TRAPPC3: variants seen among roughly 807,000 people sequenced by gnomAD.
TRAPPC3 encodes the protein trafficking protein particle complex 3.
In TRAPPC3, 5 loss-of-function variants were observed where a neutral mutation model predicts 18.2. The ratio of observed to expected loss-of-function variants is 0.28; its 90% CI spans 0.14 to 0.58. The LOEUF (loss-of-function observed/expected upper bound fraction) is 0.58. Ranked by LOEUF, TRAPPC3 falls within the 20% of genes least tolerant of loss-of-function variation. The pLI is 0.91. For missense variants in TRAPPC3, 176 were observed against 225.9 expected (o/e 0.78, Z 1.41); for synonymous variants, 65 against 84.2 (o/e 0.77, Z 1.25).
chr1:36,148,701 G>T (rs1439267180), intron 1 of TRAPPC3, among the ~76,000 whole-genome samples: 3 of 152,168 alleles, frequency 2.0e-5, no homozygotes, highest in African/African-American at 4.8e-5. Context: ...CCCTGGGAAA[G>T]AAGGGAGCCA....
At chr1:36,137,763 C>T (rs200458291) in intron 4 of TRAPPC3, 33 bp downstream of exon 4, 122 of 1,596,776 alleles carry the variant, frequency 7.6e-5, no homozygotes, top group African/African-American at 1.2e-4. Flanking sequence ...TATTGCATTT[C>T]GGGTGTCCCA....
chr1:36,149,775 C>CTCAGAGAT (rs1644254809), upstream of TRAPPC3, among the ~76,000 whole-genome samples: 1 of 152,170 alleles, frequency 6.6e-6, no homozygotes. Context: ...CCGCGCCCGG[C>CTCAGAGAT]TCAGAGATGA....
chr1:36,141,977 A>T (rs1644115910), intron 1 of TRAPPC3, among the ~76,000 whole-genome samples: 1 of 150,162 alleles, frequency 6.7e-6, no homozygotes, highest in African/African-American at 2.5e-5. Flanking sequence ...AAAAAAAAAA[A>T]AAAAAAGAAC....
chr1:36,145,344 A>C (rs1289418159), intron 1 of TRAPPC3, among the ~76,000 whole-genome samples: 1 of 152,122 alleles, frequency 6.6e-6, no homozygotes, highest in African/African-American at 2.4e-5. Flanking sequence ...GCTGATCTTT[A>C]GAGCCAATGC....
intron 1 of TRAPPC3, 96 bp from the exon 2 acceptor site, chr1:36,140,262 C>A: frequency 1.4e-6 from 1 of 737,916 alleles, no homozygotes; most frequent in South Asian, 2.7e-5. Context: ...TCAGGATTCC[C>A]TCTAACTGTG....
chr1:36,143,548 T>C (rs959422608), intron 1 of TRAPPC3, among the ~76,000 whole-genome samples: 1 of 152,182 alleles, frequency 6.6e-6, no homozygotes, highest in Admixed American at 6.5e-5. Context: ...AAAGTTCTCA[T>C]GGGATCATAA....
At position 36,137,082 on chromosome 1, in the gene TRAPPC3, G is replaced by C; in HGVS notation, c.*121C>G. The C allele has an allele frequency of 3.4e-6, 4 of 1,191,168 alleles. No individual in the cohort carries two copies. Among genetic ancestry groups the C allele is most frequent in the Non-Finnish European group, 4.8e-6 (4 of 841,422 alleles). 73.8% of individuals were successfully genotyped at this position (1,191,168 alleles called of 1,614,324 possible). A position where few individuals can be genotyped will look rare whatever the true frequency, so the allele number is the denominator to read the frequency against. ...TTTATTTGAATGGAGAATGGAAACA[G>C]GTTATAAGAATATATAACATCCATG... On this transcript the variant is annotated 3_prime_UTR_variant, in exon 5 of 5. Transcript: ENST00000373166.
At position 36,149,324 on chromosome 1, in the gene TRAPPC3, C is replaced by G; in HGVS notation, c.42+13G>C. 1 of 1,613,816 alleles carries G rather than the reference C, an allele frequency of 6.2e-7. No homozygotes were observed. On this transcript the variant is annotated intron_variant, in intron 1 of 4. Transcript: ENST00000373166. ...TTTCGCCCCGCCCGCCGAGGTCACGCGCTCCAAGTTACCATTTTCTTGCTC... is the reference window on the plus strand; with the variant it reads ...TTTCGCCCCGCCCGCCGAGGTCACGGGCTCCAAGTTACCATTTTCTTGCTC...
intron 1 of TRAPPC3, 151 bp from the exon 2 acceptor site, chr1:36,140,317 T>C: frequency 3.8e-6 from 2 of 525,208 alleles, no homozygotes; most frequent in Non-Finnish European, 6.4e-6. Context: ...GCCAGGAAAT[T>C]TGGCCTGCAA....
At chr1:36,141,826 C>T (rs192875334) in intron 1 of TRAPPC3, among the ~76,000 whole-genome samples, 154 of 151,904 alleles carry the variant, frequency 1.0e-3, no homozygotes, top group Non-Finnish European at 1.4e-3. Flanking sequence ...GGTGTGGTGG[C>T]GCGTGCCTGT....
In TRAPPC3 at chr1:36,137,046, G is replaced by T. The variant is rs778389344; in HGVS notation, c.*157C>A. 4.7e-6 allele frequency: 4 copies of T among 842,368 alleles called. No homozygotes were observed. Among genetic ancestry groups the T allele is most frequent in the South Asian group, 3.8e-5 (2 of 52,502 alleles). 52.2% of individuals were successfully genotyped at this position (842,368 alleles called of 1,614,324 possible). A position where few individuals can be genotyped will look rare whatever the true frequency, so the allele number is the denominator to read the frequency against. On this transcript the variant is annotated 3_prime_UTR_variant, in exon 5 of 5. Transcript: ENST00000373166. Reference sequence around the variant, plus strand: ...ACACATGGGGTAAATGGACTATATCGCAGTCTGCTCTTTATTTGAATGGAG... The same window carrying T: ...ACACATGGGGTAAATGGACTATATCTCAGTCTGCTCTTTATTTGAATGGAG...
intron 1 of TRAPPC3, among the ~76,000 whole-genome samples, chr1:36,154,957 G>A (rs965693801): frequency 3.3e-5 from 5 of 152,082 alleles, no homozygotes; most frequent in Non-Finnish European, 5.9e-5. Flanking sequence ...ACACATCCCA[G>A]GACAGGCTGC....
At position 36,137,221 on chromosome 1, in the gene TRAPPC3, A is replaced by G. The variant is rs1644037806; in HGVS notation, c.525T>C (p.Leu175=). The change falls in exon 5 of 5, where the codon CTT becomes CTC. Residue 175 remains leucine (L), a synonymous_variant. Coordinates refer to ENST00000373166, the MANE Select transcript of TRAPPC3 (RefSeq NM_014408.5). ...MRFIRRIEDN[L]PAGEE ...GGGATGGTTATTCCTCTCCAGCTGG[A>G]AGATTGTCCTCAATCCGCCTGATGA... 2.5e-6 allele frequency: 4 copies of G among 1,610,498 alleles called. No homozygotes were observed. The highest frequency in any genetic ancestry group is 1.7e-6 in the Non-Finnish European group (2 of 1,176,918).
Position 36,137,983 on chromosome 1 carries a change from C to A in TRAPPC3, c.241-5G>T, listed in dbSNP as rs776638104. The A allele has an allele frequency of 3.7e-5, 59 of 1,613,224 alleles. No homozygotes were observed. The highest frequency in any genetic ancestry group is 3.3e-4 in the Middle Eastern group (2 of 6,080). On this transcript the variant is annotated splice_region_variant and splice_polypyrimidine_tract_variant and intron_variant, in intron 3 of 4. Transcript: ENST00000373166. ...CAAGTACATCTTGAACGCCACCTGT[C>A]AGGGGACACACAACAGCACTTTGGG... is the stretch of plus-strand genomic sequence containing the variant.
chr1:36,138,799 G>A (rs921306886), intron 3 of TRAPPC3, among the ~76,000 whole-genome samples: 3 of 152,064 alleles, frequency 2.0e-5, no homozygotes, highest in Admixed American at 6.5e-5. Context: ...GGGAGGCCGA[G>A]GTGGGCAGAT....
chr1:36,151,737 A>G (rs1644272889), upstream of TRAPPC3, among the ~76,000 whole-genome samples: 1 of 152,210 alleles, frequency 6.6e-6, no homozygotes, highest in Non-Finnish European at 1.5e-5. Context: ...TAGGAACACC[A>G]GATGTCCCCT....
At chr1:36,147,247 TG>T (rs1386997032) in intron 1 of TRAPPC3, among the ~76,000 whole-genome samples, 1 of 151,556 alleles carries the variant, frequency 6.6e-6, no homozygotes, top group Non-Finnish European at 1.5e-5. Context: ...CTTTTGAACC[TG>T]GGAGGTGGAG....
At chr1:36,147,957 C>T (rs1644225592) in intron 1 of TRAPPC3, among the ~76,000 whole-genome samples, 2 of 152,146 alleles carry the variant, frequency 1.3e-5, no homozygotes, top group Non-Finnish European at 2.9e-5. Flanking sequence ...AGTACAAAAA[C>T]TAACCAGGAA....
chr1:36,146,014 G>A (rs1276514273), intron 1 of TRAPPC3, among the ~76,000 whole-genome samples: 6 of 151,294 alleles, frequency 4.0e-5, no homozygotes, highest in African/African-American at 9.7e-5. Context: ...TCCTGACCTC[G>A]TGATCCACCC....
Sources: allele counts gnomAD v4.1 joint callset (sites outside exome capture counted in the v4.1 genomes callset), GRCh38; gene constraint gnomAD v4.1.1; transcripts MANE v1.5; gene names NCBI Gene and HGNC (gene_info 2026-07-23, HGNC 2026-07-21).